RFX3: variants seen among roughly 807,000 people sequenced by gnomAD.
RFX3 encodes the protein transcription factor RFX3.
Under a neutral mutation model 98.6 loss-of-function variants are expected in RFX3, and 14 were observed. The observed-to-expected ratio is 0.14, with a 90% CI of 0.09 to 0.22. RFX3 has a LOEUF of 0.22. Among genes scored for constraint, RFX3 ranks in the 10% least tolerant of loss-of-function variants. The pLI, the probability that RFX3 is intolerant of heterozygous loss-of-function variation, is 1.00. For synonymous variants in RFX3, 383 were observed against 328.4 expected (o/e 1.17, Z -1.80); for missense variants, 639 against 926.9 (o/e 0.69, Z 4.03).
intron 1 of RFX3, chr9:3,452,427 T>C (rs1001027589): frequency 4.6e-5 from 10 of 216,568 alleles, no homozygotes; most frequent in Non-Finnish European, 1.0e-4. Flanking sequence ...ACCAGGTCTA[T>C]AAAATAATAA....
At chr9:3,520,621 AAT>A (rs1201101260) in intron 1 of RFX3, among the ~76,000 whole-genome samples, 1 of 152,214 alleles carries the variant, frequency 6.6e-6, no homozygotes, top group Admixed American at 6.5e-5. Context: ...TAATAAGCCA[AAT>A]TAAACAATCA....
At chr9:3,453,016 A>C (rs1014803039) in intron 1 of RFX3, among the ~76,000 whole-genome samples, 3 of 152,188 alleles carry the variant, frequency 2.0e-5, no homozygotes, top group African/African-American at 7.2e-5. Flanking sequence ...TTTACTAGTT[A>C]TTTAACTTCA....
intron 2 of RFX3, among the ~76,000 whole-genome samples, chr9:3,359,982 C>A (rs1836222694): frequency 6.6e-6 from 1 of 151,952 alleles, no homozygotes; most frequent in Non-Finnish European, 1.5e-5. Context: ...ATTTTAGTTG[C>A]CATTATCTTA....
chr9:3,381,394 T>G (rs1839180691), intron 2 of RFX3, among the ~76,000 whole-genome samples: 1 of 152,112 alleles, frequency 6.6e-6, no homozygotes, highest in Admixed American at 6.6e-5. Flanking sequence ...GTAAAATTAA[T>G]TTATTTAGTA....
chr9:3,462,519 C>A (rs560666745), intron 1 of RFX3, among the ~76,000 whole-genome samples: 10 of 151,958 alleles, frequency 6.6e-5, no homozygotes, highest in African/African-American at 2.2e-4. Context: ...TTTTACTCAA[C>A]GCTGTAGGTC....
intron 1 of RFX3, among the ~76,000 whole-genome samples, chr9:3,445,087 G>C (rs1430670800): frequency 2.0e-5 from 3 of 152,146 alleles, no homozygotes; most frequent in African/African-American, 7.2e-5. Flanking sequence ...ATTTTGAATG[G>C]TTTAAAGTAT....
chr9:3,468,251 A>G (rs62526387), intron 1 of RFX3, among the ~76,000 whole-genome samples: 13,104 of 152,254 alleles, frequency 0.086, 777 homozygotes, highest in Non-Finnish European at 0.12. Context: ...TTGATCTAAA[A>G]TTTGTAAGTA....
At position 3,270,357 on chromosome 9, in the gene RFX3, T is replaced by C. The variant is rs770149348; in HGVS notation, c.1357+14A>G. 1.0e-5 allele frequency: 16 copies of C among 1,606,944 alleles called. No individual in the cohort carries two copies. In the African/African-American group the frequency reaches 1.1e-4, roughly 11 times the overall value. ...GAGAACAAAAGCATCCGTACTCGTC[T>C]GCATTTAACTTACTAGGAATAGGTC... On this transcript the variant is annotated intron_variant, in intron 11 of 16. Transcript: ENST00000617270.
intron 1 of RFX3, among the ~76,000 whole-genome samples, chr9:3,475,251 C>A (rs1849132930): frequency 6.6e-6 from 1 of 151,782 alleles, no homozygotes; most frequent in African/African-American, 2.4e-5. Flanking sequence ...GGTTTTTCTC[C>A]CCGTGTGCAG....
At chr9:3,259,517 AT>A (rs1229721332) in intron 13 of RFX3, among the ~76,000 whole-genome samples, 3 of 151,344 alleles carry the variant, frequency 2.0e-5, no homozygotes, top group Non-Finnish European at 4.4e-5. Context: ...GAAAAAAAAA[AT>A]ATCCAAAATG....
At chr9:3,460,665 G>A (rs1326368528) in intron 1 of RFX3, among the ~76,000 whole-genome samples, 1 of 151,816 alleles carries the variant, frequency 6.6e-6, no homozygotes, top group Non-Finnish European at 1.5e-5. Flanking sequence ...GGATTTCATA[G>A]ACTCTCAGAG....
chr9:3,345,808 A>T (rs973165177), intron 3 of RFX3, among the ~76,000 whole-genome samples: 6 of 152,186 alleles, frequency 3.9e-5, no homozygotes, highest in Non-Finnish European at 8.8e-5. Context: ...AAAACAAAAA[A>T]AGTCCTGCCT....
chr9:3,308,954 C>G (rs1829649333), intron 4 of RFX3, among the ~76,000 whole-genome samples: 1 of 152,026 alleles, frequency 6.6e-6, no homozygotes, highest in African/African-American at 2.4e-5. Flanking sequence ...TTCATTTGGG[C>G]AAGACGATCT....
At chr9:3,508,764 T>C (rs529983468) in intron 1 of RFX3, among the ~76,000 whole-genome samples, 2 of 152,128 alleles carry the variant, frequency 1.3e-5, no homozygotes, top group East Asian at 1.9e-4. Flanking sequence ...TCCTTTCATA[T>C]TTGTTACCAC....
intron 1 of RFX3, among the ~76,000 whole-genome samples, chr9:3,455,362 G>GCCTTC (rs766574944): frequency 7.3e-4 from 111 of 152,106 alleles, no homozygotes; most frequent in Middle Eastern, 6.8e-3. Context: ...ATTCAGGCAA[G>GCCTTC]CCTTCCCTTC....
chr9:3,450,054 G>C (rs1268346178), intron 1 of RFX3, among the ~76,000 whole-genome samples: 2 of 152,196 alleles, frequency 1.3e-5, no homozygotes, highest in Non-Finnish European at 2.9e-5. Flanking sequence ...CTGGTTGCTT[G>C]ATGGGCTGTA....
intron 5 of RFX3, among the ~76,000 whole-genome samples, chr9:3,300,308 T>C (rs1402450620): frequency 1.3e-5 from 2 of 151,938 alleles, no homozygotes; most frequent in Non-Finnish European, 1.5e-5. Context: ...AGTTTGTATG[T>C]ATAATTTGTC....
At chr9:3,425,333 C>T (rs1843907473) in intron 1 of RFX3, among the ~76,000 whole-genome samples, 1 of 152,156 alleles carries the variant, frequency 6.6e-6, no homozygotes, top group Non-Finnish European at 1.5e-5. Flanking sequence ...GTGTCAAAGG[C>T]CTTGTGATCA....
At chr9:3,496,301 G>C (rs181180054) in intron 1 of RFX3, among the ~76,000 whole-genome samples, 1 of 151,804 alleles carries the variant, frequency 6.6e-6, no homozygotes, top group Non-Finnish European at 1.5e-5. Context: ...TTCTATTACT[G>C]CTCCTGTAAT....
Sources: gnomAD v4.1 joint callset for allele counts (sites outside exome capture counted in the v4.1 genomes callset) on GRCh38, gnomAD v4.1.1 for gene constraint, MANE v1.5 for transcripts, NCBI Gene and HGNC (gene_info 2026-07-23, HGNC 2026-07-21) for gene names.